Variants in DLGAP3 observed in about 807,000 individuals in gnomAD.
DLGAP3 encodes disks large-associated protein 3.
Under a neutral mutation model 81.2 loss-of-function variants are expected in DLGAP3, and 17 were observed. The ratio of observed to expected loss-of-function variants is 0.21; its 90% confidence interval spans 0.14 to 0.31. DLGAP3 has a LOEUF of 0.31. Ranked by LOEUF, DLGAP3 falls within the 10% of genes least tolerant of loss-of-function variation. The pLI is 1.00. For missense variants in DLGAP3, 1,124 were observed against 1,388.0 expected (o/e 0.81, Z 3.02); for synonymous variants, 577 against 587.4 (o/e 0.98, Z 0.26).
chr1:34,917,819 A>G (rs1639739835), intron 1 of DLGAP3, among the ~76,000 whole-genome samples: 1 of 152,032 alleles, frequency 6.6e-6, no homozygotes, highest in Non-Finnish European at 1.5e-5. Flanking sequence ...AACTTTATCC[A>G]TTGTTCCCAG....
intron 1 of DLGAP3, among the ~76,000 whole-genome samples, chr1:34,927,268 A>T (rs925478608): frequency 6.6e-6 from 1 of 152,024 alleles, no homozygotes; most frequent in African/African-American, 2.4e-5. Context: ...GGGTGGGGAG[A>T]GTTCAGGAAT....
Position 34,885,000 on chromosome 1 carries a change from C to T in DLGAP3, c.1978G>A (p.Val660Met). 2 of 1,613,434 alleles carry T rather than the reference C, an allele frequency of 1.2e-6. No individual in the cohort carries two copies. The highest frequency in any genetic ancestry group is 1.7e-6 in the Non-Finnish European group (2 of 1,179,890). ...TACCTCTTGTCCTCTTCCACCTGCACGCCAATAGAGTGGAACTCCCTCCGG... is the reference window on the plus strand; with the variant it reads ...TACCTCTTGTCCTCTTCCACCTGCATGCCAATAGAGTGGAACTCCCTCCGG... ...RSRREFHSIG[V>M]QVEEDKRRAR... is the part of the protein sequence containing the mutation. The change falls in exon 8 of 12, where the codon GTG (valine) becomes ATG (methionine). Residue 660 changes from valine to methionine, a missense_variant. Physicochemically the swap from Val to Met is conservative, Grantham distance 21. Transcript: ENST00000373347.
At chr1:34,885,095 G>A in intron 7 of DLGAP3, 32 bp from the exon 8 acceptor site, 1 of 1,589,732 alleles carries the variant, frequency 6.3e-7, no homozygotes, top group Non-Finnish European at 8.6e-7. Context: ...CAGTGGCTGT[G>A]GCGAGCCAAG....
At chr1:34,921,391 A>G (rs943967500) in intron 1 of DLGAP3, among the ~76,000 whole-genome samples, 7 of 152,170 alleles carry the variant, frequency 4.6e-5, no homozygotes, top group Admixed American at 4.6e-4. Flanking sequence ...CACCTGTTCA[A>G]CTTTTAAACC....
At chr1:34,910,182 T>A (rs1184534611) in intron 1 of DLGAP3, among the ~76,000 whole-genome samples, 1 of 152,212 alleles carries the variant, frequency 6.6e-6, no homozygotes, top group Non-Finnish European at 1.5e-5. Flanking sequence ...CATTAACAGT[T>A]GCTTTACTCC....
chr1:34,914,414 GCA>G (rs1375478792), intron 1 of DLGAP3, among the ~76,000 whole-genome samples: 1 of 152,308 alleles, frequency 6.6e-6, no homozygotes, highest in East Asian at 1.9e-4. Flanking sequence ...GGAGAAGACT[GCA>G]CACTGCTGAG....
At chr1:34,918,925 C>G (rs533316311) in intron 1 of DLGAP3, among the ~76,000 whole-genome samples, 389 of 152,284 alleles carry the variant, frequency 2.6e-3, no homozygotes, top group African/African-American at 7.9e-3. Context: ...GGCTTCCACC[C>G]GCAGGACCCT....
chr1:34,904,558 C>T lies in DLGAP3; in HGVS notation c.826G>A (p.Gly276Ser), dbSNP rs200438997. The T allele has an allele frequency of 2.0e-5, 32 of 1,614,140 alleles. No individual in the cohort carries two copies. The African/African-American group carries it at 3.7e-4, about 19-fold the overall frequency. The change falls in exon 3 of 12, where the codon GGT (glycine) becomes AGT (serine). Residue 276 changes from glycine to serine, a missense_variant. Physicochemically the swap from Gly to Ser is moderately conservative, Grantham distance 56. Transcript: ENST00000373347. This position sits in a 1 kb window ranked among gnomAD's most constrained non-coding sequence, Gnocchi z 8.1. Reference sequence around the variant, plus strand: ...CCAGGCTCCCCAGGGGGCCTCCCACCCGCCAGGAAGCCGCTATCACTGTCC... The same window carrying T: ...CCAGGCTCCCCAGGGGGCCTCCCACTCGCCAGGAAGCCGCTATCACTGTCC... ...NLDSDSGFLA[G>S]GRPPGEPGGP...
chr1:34,896,585 T>TCACACACA (rs10593156), intron 5 of DLGAP3, among the ~76,000 whole-genome samples: 20,953 of 146,754 alleles, frequency 0.14, 1,709 homozygotes, highest in Middle Eastern at 0.24. Context: ...CCAGACTCCA[T>TCACACACA]CACACACACA....
Position 34,899,661 on chromosome 1 carries a change from C to T in DLGAP3, c.1386+8G>A. 1 of 1,610,910 alleles carries T rather than the reference C, an allele frequency of 6.2e-7. No homozygotes were observed. The highest frequency in any genetic ancestry group is 8.5e-7 in the Non-Finnish European group (1 of 1,177,104). ...TCTTTCCTCCAGGCATACTGGGCCTCTCCCTACCTGTCCAGTGGTGAGGGA... is the reference window on the plus strand; with the variant it reads ...TCTTTCCTCCAGGCATACTGGGCCTTTCCCTACCTGTCCAGTGGTGAGGGA... On this transcript the variant is annotated splice_region_variant and intron_variant, in intron 5 of 11. Coordinates refer to ENST00000373347, the MANE Select transcript of DLGAP3 (RefSeq NM_001080418.3).
intron 1 of DLGAP3, among the ~76,000 whole-genome samples, chr1:34,928,793 C>A (rs1430383256): frequency 6.6e-6 from 1 of 151,962 alleles, no homozygotes. Context: ...GAGACAGTCA[C>A]GCCGGCACAC....
Position 34,868,238 on chromosome 1 carries a change from T to C in DLGAP3, c.2485+367A>G, listed in dbSNP as rs1638917006. ...ACATTGTGAACTGCCTCCCTCTCTGTAATCTTGGTCGCACCACCTGGATCC... is the reference window on the plus strand; with the variant it reads ...ACATTGTGAACTGCCTCCCTCTCTGCAATCTTGGTCGCACCACCTGGATCC... On this transcript the variant is annotated intron_variant, in intron 9 of 11. Coordinates refer to ENST00000373347, the MANE Select transcript of DLGAP3 (RefSeq NM_001080418.3). This position sits in a 1 kb window ranked among gnomAD's most constrained non-coding sequence, Gnocchi z 7.5. Among the ~76,000 whole-genome samples the C allele has an allele frequency of 6.6e-6, 1 of 152,180 alleles. No homozygotes were observed. The highest frequency in any genetic ancestry group is 2.4e-5 in the African/African-American group (1 of 41,436).
Position 34,904,950 on chromosome 1 carries a change from G to T in DLGAP3, c.434C>A (p.Pro145Gln), listed in dbSNP as rs1042578407. ...CGCTGGCCCGGGCCCTGCCCCTGCTGGCCCTCGCTGGTATGGTAGTGTGTG... is the reference window on the plus strand; with the variant it reads ...CGCTGGCCCGGGCCCTGCCCCTGCTTGCCCTCGCTGGTATGGTAGTGTGTG... The part of the protein sequence containing the change: ...GFHTLPYQRG[P>Q]AGAGPGPAPG... Residue 145 changes from proline to glutamine, a missense_variant, in exon 3 of 12, where the codon CCA becomes CAA. Coordinates refer to ENST00000373347, the MANE Select transcript of DLGAP3 (RefSeq NM_001080418.3). The surrounding 1 kb of genome is among the most constrained non-coding windows in gnomAD (Gnocchi z 8.1). 1.2e-6 allele frequency: 2 copies of T among 1,612,868 alleles called. No homozygotes were observed. Among genetic ancestry groups the T allele is most frequent in the African/African-American group, 2.7e-5 (2 of 74,926 alleles).
intron 1 of DLGAP3, among the ~76,000 whole-genome samples, chr1:34,908,540 C>T (rs763339007): frequency 6.6e-6 from 1 of 152,118 alleles, no homozygotes; most frequent in African/African-American, 2.4e-5. Context: ...GAAAGGAAGA[C>T]GACTCTGAAG....
chr1:34,886,257 T>G lies in DLGAP3; in HGVS notation c.1415A>C (p.Glu472Ala). 6.2e-7 allele frequency: 1 copy of G among 1,604,948 alleles called. No homozygotes were observed. Among genetic ancestry groups the G allele is most frequent in the Non-Finnish European group, 8.5e-7 (1 of 1,175,682 alleles). ...CCCAAACACCGACCCGCACACGGCCTCCAGCTGCTGGTTCAACTCATCGCT... is the reference window on the plus strand; with the variant it reads ...CCCAAACACCGACCCGCACACGGCCGCCAGCTGCTGGTTCAACTCATCGCT... Reference protein sequence around the residue: ...QLSDELNQQLEAVCGSVFGEL... With the variant: ...QLSDELNQQLAAVCGSVFGEL... The change falls in exon 6 of 12, where the codon GAG (glutamate) becomes GCG (alanine). Residue 472 changes from glutamate (E) to alanine (A), a missense_variant. Around this residue, in one of 9 missense-constraint regions of DLGAP3, gnomAD observed 357 missense variants for 408.8 expected, o/e 0.87. Transcript: ENST00000373347.
chr1:34,881,266 T>C (rs935581292), intron 8 of DLGAP3, among the ~76,000 whole-genome samples: 2 of 152,210 alleles, frequency 1.3e-5, no homozygotes, highest in African/African-American at 4.8e-5. Flanking sequence ...AGCTATTCTT[T>C]GTCTTTAGTC....
In DLGAP3 at chr1:34,886,095, G is replaced by C; in HGVS notation, c.1577C>G (p.Ala526Gly). The C allele has an allele frequency of 6.2e-7, 1 of 1,605,782 alleles. No homozygotes were observed. Among genetic ancestry groups the C allele is most frequent in the Non-Finnish European group, 8.5e-7 (1 of 1,177,488 alleles). Residue 526 changes from alanine to glycine, a missense_variant, in exon 6 of 12, where the codon GCT (alanine) becomes GGT (glycine). Physicochemically the swap from Ala to Gly is moderately conservative, Grantham distance 60. Transcript: ENST00000373347. ...ACAGGAGCCGGGCCTCCCTGAGACAGCGGCAGGGGTAGCGAGGAGGGGCAG... is the reference window on the plus strand; with the variant it reads ...ACAGGAGCCGGGCCTCCCTGAGACACCGGCAGGGGTAGCGAGGAGGGGCAG... Reference protein sequence around the residue: ...DCLPLLATPAAVSGRPGSSFN... With the variant: ...DCLPLLATPAGVSGRPGSSFN...
chr1:34,887,464 A>C (rs1426357648), intron 5 of DLGAP3, among the ~76,000 whole-genome samples: 1 of 152,164 alleles, frequency 6.6e-6, no homozygotes, highest in African/African-American at 2.4e-5. Flanking sequence ...TGTTGGTGGA[A>C]CTGTGCCGCA....
Position 34,900,104 on chromosome 1 carries a change from G to A in DLGAP3, c.1277C>T (p.Thr426Ile). ...CTGGTCCACGCTGGAGGAGCGACGG[G>A]TGGTGAAGCGTCGGGCGACTGCTTT... ...SPKAVARRFT[T>I]RRSSSVDQAR... The change falls in exon 4 of 12, where the codon ACC becomes ATC. Residue 426 changes from threonine (T) to isoleucine (I), a missense_variant. This residue lies in a region of DLGAP3 where 357 missense variants were observed against 408.8 expected (regional missense o/e 0.87). Transcript: ENST00000373347. The surrounding 1 kb of genome is among the most constrained non-coding windows in gnomAD (Gnocchi z 5.6). 1 of 1,613,860 alleles carries A rather than the reference G, an allele frequency of 6.2e-7. No homozygotes were observed. The highest frequency in any genetic ancestry group is 8.5e-7 in the Non-Finnish European group (1 of 1,180,034).
Sources: gnomAD v4.1 joint callset for allele counts (sites outside exome capture counted in the v4.1 genomes callset) on GRCh38, gnomAD v4.1.1 for gene constraint, gnomAD v4.1.1 regional missense constraint, Gnocchi (gnomAD v3.1) non-coding constraint, MANE v1.5 for transcripts, NCBI Gene and HGNC (gene_info 2026-07-23, HGNC 2026-07-21) for gene names.